The following MBD5 variants were observed in gnomAD, a reference collection of about 807,000 sequenced individuals.
MBD5 encodes the protein methyl-CpG binding domain protein 5.
Under a neutral mutation model 117.3 loss-of-function variants are expected in MBD5, and 13 were observed. The ratio of observed to expected loss-of-function variants is 0.11; its 90% CI spans 0.07 to 0.18. The LOEUF (loss-of-function observed/expected upper bound fraction) is 0.18, where lower values mean the gene tolerates loss of function less well. Among genes scored for constraint, MBD5 ranks in the 10% least tolerant of loss-of-function variants. MBD5 has a pLI of 1.00. For synonymous variants in MBD5, 727 were observed against 766.4 expected (o/e 0.95, Z 0.85); for missense variants, 1,879 against 2,093.8 (o/e 0.90, Z 2.00).
chr2:148,499,846 T>G (rs186114610), intron 11 of MBD5, among the ~76,000 whole-genome samples: 1 of 152,192 alleles, frequency 6.6e-6, no homozygotes, highest in Non-Finnish European at 1.5e-5. Context: ...ATTTTTCAAA[T>G]GTATGAATAT....
chr2:148,148,114 C>G (rs970816996), intron 1 of MBD5, among the ~76,000 whole-genome samples: 2 of 152,076 alleles, frequency 1.3e-5, no homozygotes, highest in Non-Finnish European at 2.9e-5. Context: ...TTATTTTTGA[C>G]AAATATTCTG....
At chr2:148,348,998 T>C (rs985609605) in intron 4 of MBD5, among the ~76,000 whole-genome samples, 3 of 151,952 alleles carry the variant, frequency 2.0e-5, no homozygotes, top group African/African-American at 7.2e-5. Flanking sequence ...GAAGGAAGGG[T>C]AGCTTAAAAA....
In MBD5 at chr2:148,513,920, C is replaced by T. The variant is rs755880337; in HGVS notation, c.*979C>T. On this transcript the variant is annotated 3_prime_UTR_variant, in exon 14 of 14. Coordinates refer to ENST00000642680, the MANE Select transcript of MBD5 (RefSeq NM_001378120.1). ...CAAGGTAAAACTTTCTATTTCCGTA[C>T]ATGGAGGCAAAAACCCCACTTTGCA... The T allele has an allele frequency of 1.6e-4, 25 of 152,232 alleles. No individual in the cohort carries two copies. Among genetic ancestry groups the T allele is most frequent in the Non-Finnish European group, 2.9e-4 (20 of 68,006 alleles). 9.4% of individuals were successfully genotyped at this position (152,232 alleles called of 1,614,324 possible).
At chr2:148,085,033 C>T (rs1695742086) in intron 1 of MBD5, among the ~76,000 whole-genome samples, 1 of 152,164 alleles carries the variant, frequency 6.6e-6, no homozygotes, top group Admixed American at 6.5e-5. Flanking sequence ...AGGAAACACC[C>T]ATGCAGATTG....
At chr2:148,210,925 G>A (rs1439963934) in intron 2 of MBD5, among the ~76,000 whole-genome samples, 1 of 151,986 alleles carries the variant, frequency 6.6e-6, no homozygotes, top group Non-Finnish European at 1.5e-5. Flanking sequence ...GTATGTATAA[G>A]AGAAGATTAT....
intron 3 of MBD5, among the ~76,000 whole-genome samples, chr2:148,324,461 A>G (rs2106590392): frequency 6.6e-6 from 1 of 152,144 alleles, no homozygotes; most frequent in South Asian, 2.1e-4. Flanking sequence ...TATTCTTCCT[A>G]CCCATGAGCA....
chr2:148,385,156 T>C (rs6745554), intron 4 of MBD5, among the ~76,000 whole-genome samples: 112,549 of 151,494 alleles, frequency 0.74, 42,548 homozygotes, highest in African/African-American at 0.89. Flanking sequence ...CAAAAGAAAC[T>C]ACCATCAGAG....
chr2:148,032,669 A>G (rs1196619730), intron 1 of MBD5, among the ~76,000 whole-genome samples: 2 of 152,176 alleles, frequency 1.3e-5, no homozygotes, highest in Non-Finnish European at 2.9e-5. Flanking sequence ...TAGGTTTAAT[A>G]TTTAAACTTA....
intron 3 of MBD5, among the ~76,000 whole-genome samples, chr2:148,325,859 A>C (rs1702435577): frequency 6.6e-6 from 1 of 151,824 alleles, no homozygotes. Flanking sequence ...GATCTTAGTT[A>C]CTTCTTGCCT....
At chr2:148,212,869 CTCTA>C (rs1412793035) in intron 2 of MBD5, among the ~76,000 whole-genome samples, 1 of 152,104 alleles carries the variant, frequency 6.6e-6, no homozygotes, top group Non-Finnish European at 1.5e-5. Context: ...AATTTTAATT[CTCTA>C]TCTTTCTTCC....
At chr2:148,493,212 G>A (rs138118790) in intron 11 of MBD5, among the ~76,000 whole-genome samples, 8 of 152,162 alleles carry the variant, frequency 5.3e-5, no homozygotes, top group Non-Finnish European at 8.8e-5. Context: ...TAGCGTCTAG[G>A]AAGAAAAAAA....
intron 1 of MBD5, among the ~76,000 whole-genome samples, chr2:148,043,363 G>A (rs1694424832): frequency 6.6e-6 from 1 of 151,890 alleles, no homozygotes. Context: ...TGAGGCAGGA[G>A]AATCGCCTGA....
At chr2:148,387,437 A>G (rs1704407956) in intron 4 of MBD5, among the ~76,000 whole-genome samples, 1 of 152,174 alleles carries the variant, frequency 6.6e-6, no homozygotes, top group Non-Finnish European at 1.5e-5. Flanking sequence ...AACATACAGC[A>G]AGTATCATTC....
intron 1 of MBD5, among the ~76,000 whole-genome samples, chr2:148,151,919 G>T (rs185453024): frequency 2.6e-5 from 4 of 152,088 alleles, no homozygotes; most frequent in African/African-American, 9.7e-5. Flanking sequence ...TTTTTGAAGG[G>T]TTTTTTGTGT....
At chr2:148,340,881 A>G (rs555570207) in intron 3 of MBD5, among the ~76,000 whole-genome samples, 225 of 146,124 alleles carry the variant, frequency 1.5e-3, no homozygotes, top group African/African-American at 5.3e-3. Context: ...CACACATAGC[A>G]TTTATTATTG....
At chr2:148,206,652 C>A (rs1295680756) in intron 2 of MBD5, among the ~76,000 whole-genome samples, 1 of 152,144 alleles carries the variant, frequency 6.6e-6, no homozygotes, top group African/African-American at 2.4e-5. Context: ...AAGTAGATTT[C>A]TGACCAAATC....
chr2:148,069,535 G>C (rs1695296833), intron 1 of MBD5, among the ~76,000 whole-genome samples: 2 of 151,672 alleles, frequency 1.3e-5, no homozygotes, highest in Non-Finnish European at 2.9e-5. Context: ...TCATCTTATA[G>C]TATGCTACTG....
chr2:148,502,053 C>T (rs1025001929), intron 11 of MBD5, among the ~76,000 whole-genome samples: 7 of 152,332 alleles, frequency 4.6e-5, no homozygotes, highest in Middle Eastern at 3.4e-3. Flanking sequence ...CTAACTACCT[C>T]TCTTGTCTTC....
intron 1 of MBD5, among the ~76,000 whole-genome samples, chr2:148,082,349 C>A (rs1457404982): frequency 6.6e-6 from 1 of 152,162 alleles, no homozygotes; most frequent in East Asian, 1.9e-4. Context: ...AAGCTTCTTT[C>A]AAGTATCTTT....
Sources: allele counts gnomAD v4.1 joint callset (sites outside exome capture counted in the v4.1 genomes callset), GRCh38; gene constraint gnomAD v4.1.1; transcripts MANE v1.5; gene names NCBI Gene and HGNC (gene_info 2026-07-23, HGNC 2026-07-21).